The following SUSD1 variants were observed in gnomAD, a reference collection of about 807,000 sequenced individuals.
SUSD1 encodes sushi domain containing 1.
In SUSD1, 65 loss-of-function variants were observed where a neutral mutation model predicts 86.9. That is an observed-to-expected ratio of 0.75 (90% CI 0.61 to 0.92). The LOEUF is 0.92. Among genes scored for constraint, SUSD1 ranks in the 40% least tolerant of loss-of-function variants. SUSD1 has a pLI of 0.00. For synonymous variants in SUSD1, 346 were observed against 350.0 expected, an observed-to-expected ratio of 0.99 and a Z score of 0.13; for missense variants, 850 against 929.7, an observed-to-expected ratio of 0.91 and a Z score of 1.11.
intron 13 of SUSD1, among the ~76,000 whole-genome samples, chr9:112,061,127 C>T (rs1012979372): frequency 3.9e-5 from 6 of 152,152 alleles, no homozygotes; most frequent in African/African-American, 1.2e-4. Context: ...GTGGGAGACA[C>T]GAGCATTAAG....
chr9:112,098,052 C>T (rs1331812295), intron 10 of SUSD1, among the ~76,000 whole-genome samples: 2 of 152,162 alleles, frequency 1.3e-5, no homozygotes, highest in African/African-American at 4.8e-5. Context: ...TTTGCTTATG[C>T]GTGGCCTAGT....
At chr9:112,111,465 A>AT (rs1274489088) in intron 8 of SUSD1, among the ~76,000 whole-genome samples, 189 bp downstream of exon 8, 1 of 152,146 alleles carries the variant, frequency 6.6e-6, no homozygotes, top group African/African-American at 2.4e-5. Flanking sequence ...CCCAGAGCCC[A>AT]TTCAGCCTGG....
At chr9:112,153,741 G>C (rs893087264) in intron 2 of SUSD1, among the ~76,000 whole-genome samples, 3 of 151,626 alleles carry the variant, frequency 2.0e-5, no homozygotes, top group Non-Finnish European at 2.9e-5. Flanking sequence ...AGCCTCCTGA[G>C]TAGCTGAGAT....
chr9:112,133,868 A>C (rs565021507), intron 5 of SUSD1, among the ~76,000 whole-genome samples: 1 of 152,352 alleles, frequency 6.6e-6, no homozygotes, highest in Non-Finnish European at 1.5e-5. Flanking sequence ...ACAATTCAAC[A>C]AGCAAACAAC....
At chr9:112,169,595 G>C (rs959132383) in intron 1 of SUSD1, among the ~76,000 whole-genome samples, 1 of 151,382 alleles carries the variant, frequency 6.6e-6, no homozygotes, top group Non-Finnish European at 1.5e-5. Flanking sequence ...TACGGTTCAC[G>C]TCAGGCAGTC....
chr9:112,147,158 C>G (rs189968984), intron 3 of SUSD1, among the ~76,000 whole-genome samples: 3 of 152,272 alleles, frequency 2.0e-5, no homozygotes, highest in African/African-American at 7.2e-5. Context: ...ACACTTTATA[C>G]TGAAATTAGC....
intron 2 of SUSD1, among the ~76,000 whole-genome samples, chr9:112,151,721 G>A (rs1833053998): frequency 6.6e-6 from 1 of 151,620 alleles, no homozygotes; most frequent in Non-Finnish European, 1.5e-5. Flanking sequence ...GGCCAACAAG[G>A]TGAAACCCCG....
chr9:112,104,483 G>A (rs149381320), intron 8 of SUSD1, among the ~76,000 whole-genome samples: 3 of 152,254 alleles, frequency 2.0e-5, no homozygotes, highest in Non-Finnish European at 2.9e-5. Context: ...AGAGGCCTCA[G>A]GACCTGAAGG....
At chr9:112,053,442 G>T (rs1221252648) in intron 14 of SUSD1, among the ~76,000 whole-genome samples, 1 of 146,532 alleles carries the variant, frequency 6.8e-6, no homozygotes, top group Non-Finnish European at 1.5e-5. Context: ...TTGAACCCAG[G>T]AGGCGGAGGT....
rs562345592 is a variant in SUSD1 at position 112,046,311 on chromosome 9, C to G, written c.2150-4351G>C. Among the ~76,000 whole-genome samples the G allele has an allele frequency of 2.0e-5, 3 of 152,302 alleles. No individual in the cohort carries two copies. The East Asian group carries it at 5.8e-4, about 29-fold the overall frequency. On this transcript the variant is annotated intron_variant, in intron 15 of 16. Coordinates refer to ENST00000374270, the MANE Select transcript of SUSD1 (RefSeq NM_022486.5). The stretch of plus-strand genomic sequence containing the variant: ...TGGTTACCCTACCTTTCCATGGTCT[C>G]ATGCCAGAGAACCATGTTTATTTTT...
Position 112,111,806 on chromosome 9 carries a change from T to G in SUSD1, c.1019A>C (p.Glu340Ala). 1 of 1,614,056 alleles carries G rather than the reference T, an allele frequency of 6.2e-7. No individual in the cohort carries two copies. The highest frequency in any genetic ancestry group is 8.5e-7 in the Non-Finnish European group (1 of 1,179,978). Residue 340 changes from glutamate (E) to alanine (A), a missense_variant, in exon 8 of 17, where the codon GAA becomes GCA. Glu to Ala is a moderately radical substitution (Grantham distance 107). Transcript: ENST00000374270. The stretch of plus-strand genomic sequence containing the variant: ...GTTGACTGTCTCCTCACGAACTGAT[T>G]CCATAGGGTCCAACCGTTGTCCTTT... ...SIKGQRLDPM[E>A]SVREETVNLT...
At chr9:112,072,156 TG>T (rs1328177009) in intron 12 of SUSD1, among the ~76,000 whole-genome samples, 10,713 of 132,622 alleles carry the variant, frequency 0.081, 184 homozygotes, top group East Asian at 0.18. Context: ...TTTTTTTTTT[TG>T]TTTTTTTTTT....
In SUSD1 at chr9:112,083,501, T is replaced by C. The variant is rs528798202; in HGVS notation, c.1475-3336A>G. Among the ~76,000 whole-genome samples, 43 of 152,338 alleles carry C rather than the reference T, an allele frequency of 2.8e-4. 1 individual carries two copies. The South Asian group carries it at 7.9e-3, about 28-fold the overall frequency. ...CCTTGGCCTCCCAAAGTGCTGGAAT[T>C]ACAGGTGTGAGCCACCGCCCCCAGC... On this transcript the variant is annotated intron_variant, in intron 10 of 16. Transcript: ENST00000374270.
At chr9:112,097,747 G>C (rs1406111095) in intron 10 of SUSD1, among the ~76,000 whole-genome samples, 1 of 152,114 alleles carries the variant, frequency 6.6e-6, no homozygotes, top group Non-Finnish European at 1.5e-5. Flanking sequence ...GACCCACAAA[G>C]AGCAGAGGTG....
At chr9:112,092,348 T>A (rs569421519) in intron 10 of SUSD1, among the ~76,000 whole-genome samples, 1 of 152,324 alleles carries the variant, frequency 6.6e-6, no homozygotes, top group East Asian at 1.9e-4. Flanking sequence ...AAAATCCTCA[T>A]AAAATGCTGC....
chr9:112,143,543 AG>A lies in SUSD1; in HGVS notation c.453del (p.Cys152ValfsTer26). On this transcript the variant is annotated frameshift_variant, in exon 4 of 17. Coordinates refer to ENST00000374270, the MANE Select transcript of SUSD1 (RefSeq NM_022486.5). LOFTEE classifies it high-confidence loss of function. Reference sequence around the variant, plus strand: ...TTCCTTGGCAAGTATCCATCCATACAGTAGCATTCAAAGCTCCCATGAGTGT... The same window carrying A: ...TTCCTTGGCAAGTATCCATCCATACATAGCATTCAAAGCTCCCATGAGTGT... The part of the protein sequence containing the change: ...CVNTHGSFEC[Y>X]CMDGYLPRNG... 1.2e-6 allele frequency: 2 copies of A among 1,614,198 alleles called. No homozygotes were observed. Among genetic ancestry groups the A allele is most frequent in the Non-Finnish European group, 1.7e-6 (2 of 1,180,038 alleles).
chr9:112,115,999 C>A (rs1027299395), intron 6 of SUSD1, among the ~76,000 whole-genome samples: 3 of 151,948 alleles, frequency 2.0e-5, no homozygotes, highest in African/African-American at 7.3e-5. Context: ...CTTCAAAGCC[C>A]CAGAGCTCTT....
intron 6 of SUSD1, among the ~76,000 whole-genome samples, chr9:112,116,880 C>T (rs976092066): frequency 5.3e-5 from 8 of 152,274 alleles, no homozygotes; most frequent in Middle Eastern, 3.4e-3. Context: ...TGGCTGACAC[C>T]TGTAATCTCA....
chr9:112,136,486 G>T (rs941332880), intron 5 of SUSD1, among the ~76,000 whole-genome samples: 1 of 152,050 alleles, frequency 6.6e-6, no homozygotes, highest in Admixed American at 6.6e-5. Flanking sequence ...TTCCCTTCTT[G>T]GTCTCCCAAA....
Sources: gnomAD v4.1 joint callset for allele counts (sites outside exome capture counted in the v4.1 genomes callset) on GRCh38, gnomAD v4.1.1 for gene constraint, MANE v1.5 for transcripts, NCBI Gene and HGNC (gene_info 2026-07-23, HGNC 2026-07-21) for gene names.